The following OR52E5 variants were observed in gnomAD, a reference collection of about 807,000 sequenced individuals.
OR52E5 encodes olfactory receptor 52E5.
At position 5,901,427 on chromosome 11, in the gene OR52E5, T is replaced by C. The variant is rs1847251692; in HGVS notation, c.651T>C (p.Tyr217=). The C allele has an allele frequency of 2.5e-6, 1 of 401,670 alleles. No individual in the cohort carries two copies. The highest frequency in any genetic ancestry group is 3.1e-4 in the Middle Eastern group (1 of 3,224). The allele number at this position is 401,670 out of a possible 1,614,324, so 24.9% of individuals were successfully genotyped here. ...YIDISVIGFS[Y]VQILRAVFHL... ...ACATTTCTGTGATTGGATTTTCCTA[T>C]GTCCAGATCCTCCGAGCTGTCTTCC... is the stretch of plus-strand genomic sequence containing the variant. The change falls in exon 3 of 3, where the codon TAT becomes TAC. Residue 217 remains tyrosine, a synonymous_variant. Transcript: ENST00000610445.
At chr11:5,894,081 T>C (rs1157176151) in intron 1 of OR52E5, among the ~76,000 whole-genome samples, 2 of 152,186 alleles carry the variant, frequency 1.3e-5, no homozygotes, top group Admixed American at 1.3e-4. Context: ...GGGAAGATTA[T>C]TATTTGCACT....
At chr11:5,894,188 C>T (rs561119528) in intron 1 of OR52E5, among the ~76,000 whole-genome samples, 1 of 152,174 alleles carries the variant, frequency 6.6e-6, no homozygotes, top group South Asian at 2.1e-4. Flanking sequence ...GAAATTATAA[C>T]CTAGTGGTAG....
chr11:5,899,015 G>T (rs886600545), intron 2 of OR52E5, among the ~76,000 whole-genome samples: 6 of 152,108 alleles, frequency 3.9e-5, no homozygotes, highest in Admixed American at 1.3e-4. Flanking sequence ...AGAATCTGTA[G>T]ATTGCTTTGG....
intron 1 of OR52E5, among the ~76,000 whole-genome samples, chr11:5,893,767 A>C (rs1290044117): frequency 6.6e-6 from 1 of 152,114 alleles, no homozygotes; most frequent in African/African-American, 2.4e-5. Flanking sequence ...CGCATCACAC[A>C]GTGTGGCCCA....
In OR52E5 at chr11:5,901,187, C is replaced by A. The variant is rs987567055; in HGVS notation, c.411C>A (p.Ile137=). 7.5e-6 allele frequency: 3 copies of A among 401,286 alleles called. No homozygotes were observed. Among genetic ancestry groups the A allele is most frequent in the African/African-American group, 6.2e-5 (3 of 48,590 alleles). The allele number at this position is 401,286 out of a possible 1,614,324, so 24.9% of individuals were successfully genotyped here. A position where few individuals can be genotyped will look rare whatever the true frequency, so the allele number is the denominator to read the frequency against. The part of the protein sequence containing the change: ...AICNPLRYSM[I]LTNKVIAILG... ...GCAACCCCCTGAGATATAGCATGAT[C>A]CTTACCAACAAGGTAATAGCCATTC... The change falls in exon 3 of 3, where the codon ATC becomes ATA. Residue 137 remains isoleucine (I), a synonymous_variant. Coordinates refer to ENST00000610445, the MANE Select transcript of OR52E5 (RefSeq NM_001005166.5).
At chr11:5,895,381 T>C (rs1373957796) in intron 1 of OR52E5, among the ~76,000 whole-genome samples, 1 of 152,230 alleles carries the variant, frequency 6.6e-6, no homozygotes, top group Non-Finnish European at 1.5e-5. Flanking sequence ...ATAAATTTTG[T>C]TCCTTTGGCT....
At chr11:5,899,009 T>G (rs1002537796) in intron 2 of OR52E5, among the ~76,000 whole-genome samples, 1 of 152,204 alleles carries the variant, frequency 6.6e-6, no homozygotes, top group Non-Finnish European at 1.5e-5. Flanking sequence ...TTTCATAGAA[T>G]CTGTAGATTG....
Position 5,902,589 on chromosome 11 carries a change from G to C in OR52E5, c.*829G>C, listed in dbSNP as rs1024093453. On this transcript the variant is annotated 3_prime_UTR_variant, in exon 3 of 3. Coordinates refer to ENST00000610445, the MANE Select transcript of OR52E5 (RefSeq NM_001005166.5). Reference sequence around the variant, plus strand: ...TTTCTGTCTTGGGCTTAAGGACTCAGGGAAATCCCATCCTCCACAGTCTTT... The same window carrying C: ...TTTCTGTCTTGGGCTTAAGGACTCACGGAAATCCCATCCTCCACAGTCTTT... 2 of 152,198 alleles carry C rather than the reference G, an allele frequency of 1.3e-5. No homozygotes were observed. The highest frequency in any genetic ancestry group is 4.8e-5 in the African/African-American group (2 of 41,440). The allele number at this position is 152,198 out of a possible 1,614,324, so 9.4% of individuals were successfully genotyped here. A position where few individuals can be genotyped will look rare whatever the true frequency, so the allele number is the denominator to read the frequency against.
chr11:5,894,492 G>T (rs955258418), intron 1 of OR52E5, among the ~76,000 whole-genome samples: 4 of 152,174 alleles, frequency 2.6e-5, no homozygotes, highest in African/African-American at 7.2e-5. Context: ...TATGTAGATT[G>T]TATGTTAATA....
chr11:5,897,225 C>G (rs577487600), intron 2 of OR52E5, among the ~76,000 whole-genome samples: 2 of 152,242 alleles, frequency 1.3e-5, no homozygotes, highest in Non-Finnish European at 2.9e-5. Context: ...CTAGTGAACC[C>G]ATCACCCAAA....
At chr11:5,900,299 A>G (rs1385154663) in intron 2 of OR52E5, among the ~76,000 whole-genome samples, 1 of 151,912 alleles carries the variant, frequency 6.6e-6, no homozygotes, top group African/African-American at 2.4e-5. Context: ...AATATTCTTA[A>G]TTTCTCAGAT....
intron 2 of OR52E5, among the ~76,000 whole-genome samples, chr11:5,897,321 T>C (rs73398282): frequency 0.044 from 6,667 of 152,296 alleles, 473 homozygotes; most frequent in African/African-American, 0.15. Context: ...GTGTCTGTTG[T>C]TTCCATCTTT....
rs1359580303 is a variant in OR52E5 at position 5,900,900 on chromosome 11, C to T, written c.124C>T (p.Leu42=). The T allele has an allele frequency of 5.0e-6, 2 of 401,178 alleles. No individual in the cohort carries two copies. Among genetic ancestry groups the T allele is most frequent in the East Asian group, 3.6e-5 (1 of 28,080 alleles). The allele number at this position is 401,178 out of a possible 1,614,324, so 24.9% of individuals were successfully genotyped here. ...CTTTGCAGTGTATCTAACAGCCCTTCTAGGGAACATCATTATCCTGTTTGT... is the reference window on the plus strand; with the variant it reads ...CTTTGCAGTGTATCTAACAGCCCTTTTAGGGAACATCATTATCCTGTTTGT... The part of the protein sequence containing the change: ...PFFAVYLTAL[L]GNIIILFVIQ... The change falls in exon 3 of 3, where the codon CTA becomes TTA. Residue 42 remains leucine, a synonymous_variant. Transcript: ENST00000610445.
intron 2 of OR52E5, among the ~76,000 whole-genome samples, chr11:5,898,437 T>C (rs997197323): frequency 6.6e-6 from 1 of 152,180 alleles, no homozygotes; most frequent in African/African-American, 2.4e-5. Flanking sequence ...ATCTTTTTAG[T>C]GTAAGTAAAT....
At chr11:5,900,051 G>C (rs371025108) in intron 2 of OR52E5, among the ~76,000 whole-genome samples, 7 of 152,054 alleles carry the variant, frequency 4.6e-5, no homozygotes, top group Admixed American at 3.3e-4. Flanking sequence ...GGAGAAGACA[G>C]AAAAGATCAT....
Position 5,896,650 on chromosome 11 carries a change from G to C in OR52E5, c.-146+937G>C, listed in dbSNP as rs371474142. 7.9e-5 allele frequency among the ~76,000 whole-genome samples: 12 copies of C among 152,248 alleles called. No homozygotes were observed. In the East Asian group the frequency reaches 2.3e-3, roughly 29 times the overall value. Reference sequence around the variant, plus strand: ...AGTAATAATCATGATGATGATTACAGTTATTTAAAATCCATGTGGAAAGTA... The same window carrying C: ...AGTAATAATCATGATGATGATTACACTTATTTAAAATCCATGTGGAAAGTA... On this transcript the variant is annotated intron_variant, in intron 2 of 2. Transcript: ENST00000610445.
At chr11:5,896,182 C>G (rs1206634247) in intron 2 of OR52E5, among the ~76,000 whole-genome samples, 2 of 140,782 alleles carry the variant, frequency 1.4e-5, no homozygotes, top group Non-Finnish European at 3.0e-5. Flanking sequence ...GCGAGCAGAT[C>G]ACGAGGTCAG....
chr11:5,899,536 G>C (rs1422786743), intron 2 of OR52E5, among the ~76,000 whole-genome samples: 1 of 152,134 alleles, frequency 6.6e-6, no homozygotes, highest in Non-Finnish European at 1.5e-5. Context: ...TTTAGGATTA[G>C]TAGCACCATA....
Position 5,894,412 on chromosome 11 carries a change from A to G in OR52E5, c.-228+1142A>G, listed in dbSNP as rs534493085. On this transcript the variant is annotated intron_variant, in intron 1 of 2. Coordinates refer to ENST00000610445, the MANE Select transcript of OR52E5 (RefSeq NM_001005166.5). ...CGCTGATAACTCACGTAACAGAAAG[A>G]TAGATTGGCCTTTGGAAAAATAGGA... 8.5e-5 allele frequency among the ~76,000 whole-genome samples: 13 copies of G among 152,286 alleles called. No individual in the cohort carries two copies. In the East Asian group the frequency reaches 2.5e-3, roughly 29 times the overall value.
Sources: gnomAD v4.1 joint callset for allele counts (sites outside exome capture counted in the v4.1 genomes callset) on GRCh38, gnomAD v4.1.1 for gene constraint, MANE v1.5 for transcripts, NCBI Gene and HGNC (gene_info 2026-07-23, HGNC 2026-07-21) for gene names.